TRIM43B: variants seen among roughly 807,000 people sequenced by gnomAD.
TRIM43B encodes tripartite motif-containing protein 43B.
TRIM43B carries 15 observed loss-of-function variants against 27.0 expected under a neutral mutation model. The ratio of observed to expected loss-of-function variants is 0.55; its 90% confidence interval spans 0.37 to 0.85. The LOEUF is 0.85. Among genes scored for constraint, TRIM43B ranks in the 40% least tolerant of loss-of-function variants. TRIM43B has a pLI of 0.00. For synonymous variants in TRIM43B, 69 were observed against 97.8 expected (o/e 0.71, Z 1.74); for missense variants, 172 against 289.8 (o/e 0.59, Z 2.95).
At chr2:95,483,507 A>C (rs1217896490) in intron 1 of TRIM43B, among the ~76,000 whole-genome samples, 4 of 152,048 alleles carry the variant, frequency 2.6e-5, no homozygotes, top group Non-Finnish European at 5.9e-5. Context: ...TCAGGAAAAG[A>C]GTAAGTATCA....
At chr2:95,481,761 G>T (rs1683530553) in intron 2 of TRIM43B, 71 bp from the exon 3 acceptor site, 8 of 1,503,570 alleles carry the variant, frequency 5.3e-6, no homozygotes, top group Non-Finnish European at 6.3e-6. Context: ...GTATAAGCAG[G>T]CAAGGGATCT....
In TRIM43B at chr2:95,480,335, C is replaced by CA. The variant is rs1683498261; in HGVS notation, c.707dup (p.Met236IlefsTer4). 2 of 1,609,470 alleles carry CA rather than the reference C, an allele frequency of 1.2e-6. No homozygotes were observed. Among genetic ancestry groups the CA allele is most frequent in the Non-Finnish European group, 1.7e-6 (2 of 1,177,882 alleles). ...GCAGCTCCACCTCTGGTTTATGACA[C>CA]ATTTCCATTAGTTCCTGATACATTT... is the stretch of plus-strand genomic sequence containing the variant. On this transcript the variant is annotated frameshift_variant, in exon 4 of 7. Coordinates refer to ENST00000639673, the Ensembl canonical transcript of TRIM43B. LOFTEE classifies it high-confidence loss of function.
chr2:95,483,131 T>C (rs1413989544), intron 1 of TRIM43B, among the ~76,000 whole-genome samples: 1 of 152,124 alleles, frequency 6.6e-6, no homozygotes, highest in Non-Finnish European at 1.5e-5. Context: ...GCTCTTCTAC[T>C]CTCATTATTT....
intron 1 of TRIM43B, among the ~76,000 whole-genome samples, chr2:95,484,301 G>C (rs568533364): frequency 6.6e-6 from 1 of 152,128 alleles, no homozygotes; most frequent in South Asian, 2.1e-4. Context: ...GAACCTGGAA[G>C]GCGGAGGTTG....
chr2:95,482,658 C>G (rs1415564699), exon 2 of TRIM43B: 2 of 1,613,778 alleles, frequency 1.2e-6, no homozygotes, highest in South Asian at 1.1e-5. Context: ...CCAGGTAGTT[C>G]AAACAGATGA....
chr2:95,480,747 C>A (rs534954789), intron 3 of TRIM43B, among the ~76,000 whole-genome samples: 1 of 151,984 alleles, frequency 6.6e-6, no homozygotes, highest in Admixed American at 6.6e-5. Flanking sequence ...TAAATCAAAT[C>A]GGAAATACAA....
intron 2 of TRIM43B, among the ~76,000 whole-genome samples, chr2:95,481,904 C>A (rs1683534051): frequency 6.6e-6 from 1 of 151,882 alleles, no homozygotes; most frequent in African/African-American, 2.4e-5. Flanking sequence ...TTTCCTGTAA[C>A]CCAGCTAAAT....
At chr2:95,483,392 G>A (rs1473341566) in intron 1 of TRIM43B, among the ~76,000 whole-genome samples, 4 of 152,088 alleles carry the variant, frequency 2.6e-5, no homozygotes, top group African/African-American at 9.7e-5. Flanking sequence ...CTGTTAATTT[G>A]GGGATATACT....
Position 95,480,587 on chromosome 2 carries a change from A to C in TRIM43B, c.508-52T>G, listed in dbSNP as rs1573603449. 5 of 1,597,994 alleles carry C rather than the reference A, an allele frequency of 3.1e-6. 1 individual carries two copies. In the South Asian group the frequency reaches 3.4e-5, roughly 11 times the overall value. ...ATATACCCAGGCCTACTTCCACCTC[A>C]CAGAGCCCACAACTTCATCCTCCTC... On this transcript the variant is annotated intron_variant, in intron 3 of 6. Transcript: ENST00000639673.
chr2:95,482,519 T>C, exon 2 of TRIM43B: 2 of 1,609,854 alleles, frequency 1.2e-6, no homozygotes, highest in Non-Finnish European at 1.7e-6. Flanking sequence ...AGAATATTGG[T>C]TTTGAAGTCC....
At chr2:95,483,722 G>A (rs1273112436) in intron 1 of TRIM43B, among the ~76,000 whole-genome samples, 1 of 151,942 alleles carries the variant, frequency 6.6e-6, no homozygotes, top group East Asian at 1.9e-4. Flanking sequence ...CAGCTACTCT[G>A]GAGGCGGGGC....
intron 3 of TRIM43B, 46 bp from the exon 4 acceptor site, chr2:95,480,581 C>T (rs759317065): frequency 4.1e-5 from 65 of 1,600,674 alleles, no homozygotes; most frequent in Non-Finnish European, 5.4e-5. Flanking sequence ...GGCCTACTTC[C>T]ACCTCACAGA....
chr2:95,484,531 ATAAAT>A (rs1461335958), intron 1 of TRIM43B, 70 bp downstream of exon 1: 4 of 152,144 alleles, frequency 2.6e-5, no homozygotes, highest in Non-Finnish European at 5.9e-5. Flanking sequence ...AAGTTTGCAG[ATAAAT>A]TAAAGTCCCC....
intron 1 of TRIM43B, 102 bp downstream of exon 1, chr2:95,484,504 C>T (rs568787773): frequency 2.0e-5 from 3 of 152,052 alleles, no homozygotes; most frequent in South Asian, 4.2e-4. Flanking sequence ...TGAGATCATT[C>T]CATCTAAAAA....
intron 3 of TRIM43B, 29 bp downstream of exon 3, chr2:95,481,566 G>A: frequency 6.3e-7 from 1 of 1,580,156 alleles, no homozygotes; most frequent in Non-Finnish European, 8.6e-7. Context: ...TCTCAAGCTG[G>A]TCAGGAGGAC....
chr2:95,481,481 A>T (rs558102962), intron 3 of TRIM43B, 114 bp downstream of exon 3: 1 of 813,536 alleles, frequency 1.2e-6, no homozygotes, highest in African/African-American at 1.7e-5. Flanking sequence ...CCAGCCTATG[A>T]ATAAACACAT....
At chr2:95,482,805 A>G in intron 1 of TRIM43B, 87 bp from the exon 2 acceptor site, 1 of 1,530,098 alleles carries the variant, frequency 6.5e-7, no homozygotes. Context: ...GTGATCGAAT[A>G]ATATCCTTTC....
intron 2 of TRIM43B, 51 bp from the exon 3 acceptor site, chr2:95,481,741 C>T (rs541415202): frequency 1.3e-6 from 2 of 1,580,604 alleles, no homozygotes; most frequent in Non-Finnish European, 8.6e-7. Flanking sequence ...AAGATTCCAC[C>T]ATCTGAGTGG....
At chr2:95,483,330 T>C (rs1683572083) in intron 1 of TRIM43B, among the ~76,000 whole-genome samples, 1 of 152,180 alleles carries the variant, frequency 6.6e-6, no homozygotes, top group Non-Finnish European at 1.5e-5. Context: ...TAGGCTGCTA[T>C]GTTAATTTAA....
Sources: gnomAD v4.1 joint callset for allele counts (sites outside exome capture counted in the v4.1 genomes callset) on GRCh38, gnomAD v4.1.1 for gene constraint, MANE v1.5 for transcripts, NCBI Gene and HGNC (gene_info 2026-07-23, HGNC 2026-07-21) for gene names.